INPP4B: variants seen among roughly 807,000 people sequenced by gnomAD.
INPP4B encodes the protein inositol polyphosphate 4-phosphatase type II.
Under a neutral mutation model 122.5 loss-of-function variants are expected in INPP4B, and 55 were observed. The ratio of observed to expected loss-of-function variants is 0.45; its 90% confidence interval spans 0.36 to 0.56. INPP4B has a LOEUF of 0.56. INPP4B is among the 20% of genes least tolerant of loss of function. The pLI, the probability that INPP4B is intolerant of heterozygous loss-of-function variation, is 0.00. For synonymous variants in INPP4B, 403 were observed against 388.7 expected, an observed-to-expected ratio of 1.04 and a Z score of -0.43; for missense variants, 1,000 against 1,097.7, an observed-to-expected ratio of 0.91 and a Z score of 1.26.
chr4:142,045,088 T>A (rs370992765), intron 25 of INPP4B, among the ~76,000 whole-genome samples: 185 of 152,294 alleles, frequency 1.2e-3, no homozygotes, highest in African/African-American at 4.1e-3. Context: ...TTAGAACACC[T>A]GTGCTGCTAA....
At chr4:142,200,655 G>A (rs2149442047) in intron 14 of INPP4B, among the ~76,000 whole-genome samples, 1 of 151,764 alleles carries the variant, frequency 6.6e-6, no homozygotes, top group Middle Eastern at 3.4e-3. Context: ...AAGCAGGTTG[G>A]GGATAAGAAA....
chr4:142,433,608 G>T (rs913081345), intron 3 of INPP4B, among the ~76,000 whole-genome samples: 2 of 152,120 alleles, frequency 1.3e-5, no homozygotes, highest in Admixed American at 1.3e-4. Flanking sequence ...ATACAAGAAG[G>T]TTATTATTAA....
At chr4:142,604,127 C>T (rs1307418085) in intron 2 of INPP4B, among the ~76,000 whole-genome samples, 1 of 152,040 alleles carries the variant, frequency 6.6e-6, no homozygotes, top group Non-Finnish European at 1.5e-5. Flanking sequence ...GGGCAAAAAT[C>T]TTATGATCAT....
intron 2 of INPP4B, among the ~76,000 whole-genome samples, chr4:142,604,460 C>T (rs1294106417): frequency 6.6e-6 from 1 of 151,964 alleles, no homozygotes; most frequent in African/African-American, 2.4e-5. Context: ...ATGACATGAT[C>T]TTATATTTAG....
intron 11 of INPP4B, among the ~76,000 whole-genome samples, chr4:142,249,084 G>A (rs772957519): frequency 2.2e-4 from 34 of 151,898 alleles, no homozygotes; most frequent in Non-Finnish European, 4.4e-4. Context: ...TACAAATACC[G>A]GTAAGTTCTC....
At chr4:142,225,136 A>C (rs1379087964) in intron 12 of INPP4B, among the ~76,000 whole-genome samples, 2 of 152,062 alleles carry the variant, frequency 1.3e-5, no homozygotes, top group Admixed American at 1.3e-4. Flanking sequence ...TGGCTGGAAA[A>C]AGCAGGCAGA....
At chr4:142,321,595 C>T (rs1432360827) in intron 7 of INPP4B, among the ~76,000 whole-genome samples, 1 of 152,018 alleles carries the variant, frequency 6.6e-6, no homozygotes, top group African/African-American at 2.4e-5. Context: ...CATCTTGAGT[C>T]GATTTGTGTA....
chr4:142,776,325 T>C (rs947410552), intron 1 of INPP4B, among the ~76,000 whole-genome samples: 1 of 152,122 alleles, frequency 6.6e-6, no homozygotes, highest in Non-Finnish European at 1.5e-5. Flanking sequence ...TTACCAAGGA[T>C]CTCACTGAAA....
chr4:142,564,457 AAGAAAGAAAGAAAGAAAG>A (rs1731180251), intron 2 of INPP4B, among the ~76,000 whole-genome samples: 2 of 121,488 alleles, frequency 1.6e-5, no homozygotes, highest in African/African-American at 6.5e-5. Context: ...AAAAAAAAGA[AAGAAAGAAAGAAAGAAAG>A]AAAAAAAAGA....
intron 1 of INPP4B, among the ~76,000 whole-genome samples, chr4:142,828,723 A>G (rs1781744762): frequency 6.6e-6 from 1 of 152,234 alleles, no homozygotes; most frequent in African/African-American, 2.4e-5. Context: ...TTGAACCTCG[A>G]GACTTAGATA....
intron 25 of INPP4B, among the ~76,000 whole-genome samples, chr4:142,051,080 G>A (rs1754325729): frequency 1.3e-5 from 2 of 151,918 alleles, no homozygotes; most frequent in Admixed American, 1.3e-4. Flanking sequence ...TCTGTGTTGA[G>A]ATATGTAAAC....
intron 9 of INPP4B, among the ~76,000 whole-genome samples, chr4:142,299,319 AC>A (rs1190212268): frequency 1.4e-5 from 2 of 144,136 alleles, no homozygotes; most frequent in East Asian, 4.2e-4. Flanking sequence ...GCGCCATCAC[AC>A]CCAGCTAATT....
intron 25 of INPP4B, among the ~76,000 whole-genome samples, chr4:142,036,866 A>G (rs558551087): frequency 6.6e-6 from 1 of 152,178 alleles, no homozygotes; most frequent in Non-Finnish European, 1.5e-5. Flanking sequence ...GACACAGGTG[A>G]CTTTGGGACT....
intron 3 of INPP4B, among the ~76,000 whole-genome samples, chr4:142,449,684 G>A (rs897875706): frequency 1.3e-5 from 2 of 149,968 alleles, no homozygotes; most frequent in Admixed American, 6.6e-5. Flanking sequence ...TGGTGACAGA[G>A]CAAGACTCTG....
rs558444230 is a variant in INPP4B, at chr4:142,447,571, T to C, written c.-127+15092A>G. On this transcript the variant is annotated intron_variant, in intron 3 of 25. Transcript: ENST00000262992. ...TAGAGCCAGCAAGACAAAGAAACTA[T>C]GCATCAATGGTGTTAGATGAGTAAC... 3.9e-4 allele frequency among the ~76,000 whole-genome samples: 60 copies of C among 152,234 alleles called. 1 individual carries two copies. In the South Asian group the frequency reaches 0.012, roughly 31 times the overall value.
rs537151620 is a variant in INPP4B, at chr4:142,423,685, A to G, written c.136+5488T>C. The G allele has an allele frequency of 2.9e-5, 10 of 342,534 alleles. 1 individual carries two copies. The highest frequency in any genetic ancestry group is 5.1e-5 in the Non-Finnish European group (9 of 178,092). 21.2% of individuals were successfully genotyped at this position (342,534 alleles called of 1,614,324 possible). On this transcript the variant is annotated intron_variant, in intron 5 of 25. Transcript: ENST00000262992. The stretch of plus-strand genomic sequence containing the variant: ...TAATCATTAAACTCTAGGACGGTAC[A>G]CATCATTTACCTGGTACAGATGTAT...
intron 2 of INPP4B, among the ~76,000 whole-genome samples, chr4:142,704,892 T>C (rs1762272892): frequency 6.6e-6 from 1 of 152,222 alleles, no homozygotes; most frequent in Non-Finnish European, 1.5e-5. Flanking sequence ...CACAGTAATC[T>C]GGCTTTTGCT....
At chr4:142,556,823 A>C (rs1729295935) in intron 2 of INPP4B, among the ~76,000 whole-genome samples, 1 of 152,208 alleles carries the variant, frequency 6.6e-6, no homozygotes, top group African/African-American at 2.4e-5. Context: ...CGCAAATTGC[A>C]GGGGAAAGTA....
intron 25 of INPP4B, among the ~76,000 whole-genome samples, chr4:142,050,351 T>C (rs1361697994): frequency 6.6e-6 from 1 of 151,958 alleles, no homozygotes; most frequent in Non-Finnish European, 1.5e-5. Flanking sequence ...GTCATTCTGG[T>C]AAAAGAAGAA....
Sources: allele counts gnomAD v4.1 joint callset (sites outside exome capture counted in the v4.1 genomes callset), GRCh38; gene constraint gnomAD v4.1.1; transcripts MANE v1.5; gene names NCBI Gene and HGNC (gene_info 2026-07-23, HGNC 2026-07-21).